The following DOCK1 variants were observed in gnomAD, a reference collection of about 807,000 sequenced individuals.
DOCK1 encodes dedicator of cytokinesis 1, also known as dedicator of cytokinesis protein 1.
A neutral mutation model predicts 262.7 loss-of-function variants in DOCK1; 138 were observed. The ratio of observed to expected loss-of-function variants is 0.53; its 90% confidence interval spans 0.46 to 0.61. The LOEUF is 0.61. Among genes scored for constraint, DOCK1 ranks in the 20% least tolerant of loss-of-function variants. The probability of loss-of-function intolerance (pLI) is 0.00; values close to 1 mark genes in which losing one functional copy is unlikely to be tolerated. For synonymous variants in DOCK1, 866 were observed against 867.4 expected (o/e 1.00, Z 0.03); for missense variants, 1,908 against 2,370.7 (o/e 0.80, Z 4.05).
chr10:127,027,023 T>C (rs559367682), intron 16 of DOCK1, among the ~76,000 whole-genome samples: 2 of 152,246 alleles, frequency 1.3e-5, no homozygotes, highest in Admixed American at 6.5e-5. Flanking sequence ...CAGTAAGATA[T>C]CACAGAAGGA....
intron 27 of DOCK1, among the ~76,000 whole-genome samples, chr10:127,224,501 G>A (rs2058561805): frequency 6.6e-6 from 1 of 151,774 alleles, no homozygotes; most frequent in Non-Finnish European, 1.5e-5. Context: ...GGAGGTTGCA[G>A]TGAGCCAAGA....
intron 29 of DOCK1, among the ~76,000 whole-genome samples, chr10:127,294,658 T>G (rs1401162956): frequency 3.3e-5 from 5 of 150,140 alleles, no homozygotes; most frequent in Non-Finnish European, 7.4e-5. Context: ...CTATTTTTTT[T>G]TTTTTTTTAA....
chr10:127,385,000 C>T, intron 38 of DOCK1, 91 bp downstream of exon 38: 2 of 1,357,002 alleles, frequency 1.5e-6, no homozygotes, highest in Non-Finnish European at 1.9e-6. Flanking sequence ...GTGATTTTTG[C>T]AGAACCAGAA....
At chr10:126,960,520 A>G (rs1001214760) in intron 1 of DOCK1, among the ~76,000 whole-genome samples, 2 of 150,952 alleles carry the variant, frequency 1.3e-5, no homozygotes, top group Admixed American at 1.3e-4. Flanking sequence ...GAAGGGTTTC[A>G]TCCAGAGGTG....
chr10:126,974,773 A>T (rs2038389828), intron 2 of DOCK1, among the ~76,000 whole-genome samples: 2 of 152,060 alleles, frequency 1.3e-5, no homozygotes, highest in Admixed American at 6.6e-5. Flanking sequence ...TGGAGGACAG[A>T]GATTGGGTCT....
At position 127,316,811 on chromosome 10, in the gene DOCK1, T is replaced by C. The variant is rs1405075391; in HGVS notation, c.3045-22195T>C. Among the ~76,000 whole-genome samples, 12 of 152,234 alleles carry C rather than the reference T, an allele frequency of 7.9e-5. No homozygotes were observed. In the East Asian group the frequency reaches 2.3e-3, roughly 29 times the overall value. ...GCCTCCCCTTGCTGCAAACACCTGC[T>C]CTGCCCCACTGGATCCCAGGTACAC... On this transcript the variant is annotated intron_variant, in intron 29 of 51. Transcript: ENST00000623213.
intron 23 of DOCK1, among the ~76,000 whole-genome samples, chr10:127,086,817 G>A (rs2047226401): frequency 6.6e-6 from 1 of 152,070 alleles, no homozygotes; most frequent in South Asian, 2.1e-4. Context: ...AATGGAGAGT[G>A]GACGAAACTA....
At chr10:127,113,566 C>G (rs977217509) in intron 25 of DOCK1, among the ~76,000 whole-genome samples, 8 of 152,198 alleles carry the variant, frequency 5.3e-5, no homozygotes, top group African/African-American at 1.9e-4. Flanking sequence ...GTTGCCAGGT[C>G]TGGGTCCCAG....
chr10:127,029,352 T>A (rs1052441440), intron 16 of DOCK1, among the ~76,000 whole-genome samples: 2 of 152,226 alleles, frequency 1.3e-5, no homozygotes, highest in Non-Finnish European at 2.9e-5. Context: ...CTTGCTACCC[T>A]GAAGAGGAGG....
intron 1 of DOCK1, among the ~76,000 whole-genome samples, chr10:126,924,987 G>A (rs545128218): frequency 4.0e-4 from 61 of 152,340 alleles, no homozygotes; most frequent in African/African-American, 1.4e-3. Flanking sequence ...GCACATAGGT[G>A]CATCAGCTTT....
chr10:126,933,923 T>G (rs1193969147), intron 1 of DOCK1, among the ~76,000 whole-genome samples: 2 of 152,162 alleles, frequency 1.3e-5, no homozygotes, highest in Non-Finnish European at 2.9e-5. Flanking sequence ...CAAGTGATTC[T>G]CCTGCCTCAG....
At chr10:127,214,883 G>A (rs1385615530) in intron 27 of DOCK1, among the ~76,000 whole-genome samples, 1 of 152,130 alleles carries the variant, frequency 6.6e-6, no homozygotes, top group African/African-American at 2.4e-5. Flanking sequence ...TCATATTTAT[G>A]ATATTGTCAT....
chr10:127,229,975 T>TATC (rs2134546710), intron 27 of DOCK1, among the ~76,000 whole-genome samples: 1 of 152,306 alleles, frequency 6.6e-6, no homozygotes, highest in African/African-American at 2.4e-5. Context: ...TTTCCCTGAT[T>TATC]ATTAGTGATG....
chr10:127,402,698 C>CCCT (rs765512169), intron 38 of DOCK1: 9 of 528,640 alleles, frequency 1.7e-5, no homozygotes, highest in African/African-American at 7.6e-5. Flanking sequence ...CTTCACCCTA[C>CCCT]GGTTCCTTTT....
chr10:127,101,620 C>G (rs546038339), intron 23 of DOCK1, among the ~76,000 whole-genome samples: 1 of 152,328 alleles, frequency 6.6e-6, no homozygotes, highest in South Asian at 2.1e-4. Context: ...GGGAAGACCA[C>G]GGCAGGGAAG....
intron 29 of DOCK1, among the ~76,000 whole-genome samples, chr10:127,309,505 G>C (rs1389730619): frequency 2.6e-5 from 4 of 152,156 alleles, no homozygotes; most frequent in Admixed American, 1.3e-4. Context: ...TGATCATGAA[G>C]TCTTTGCCCA....
intron 16 of DOCK1, among the ~76,000 whole-genome samples, chr10:127,029,973 A>T (rs1381896001): frequency 1.3e-5 from 2 of 151,950 alleles, no homozygotes; most frequent in African/African-American, 4.8e-5. Context: ...TTACAGAGTT[A>T]TTTTTTTAGA....
chr10:127,167,038 A>G (rs2054147015), intron 27 of DOCK1, among the ~76,000 whole-genome samples: 1 of 152,150 alleles, frequency 6.6e-6, no homozygotes, highest in African/African-American at 2.4e-5. Context: ...AGAATTTGAA[A>G]TGTGTTTTAT....
At chr10:127,441,716 G>A (rs2070159363) in intron 49 of DOCK1, among the ~76,000 whole-genome samples, 1 of 123,320 alleles carries the variant, frequency 8.1e-6, no homozygotes, top group East Asian at 2.4e-4. Context: ...CCACTGTAGT[G>A]TCCTCCTTGC....
Sources: gnomAD v4.1 joint callset for allele counts (sites outside exome capture counted in the v4.1 genomes callset) on GRCh38, gnomAD v4.1.1 for gene constraint, MANE v1.5 for transcripts, NCBI Gene and HGNC (gene_info 2026-07-23, HGNC 2026-07-21) for gene names.